The following TNFAIP8 variants were observed in gnomAD, a reference collection of about 807,000 sequenced individuals.
The protein encoded by TNFAIP8 is TNF alpha induced protein 8.
In TNFAIP8, 7 loss-of-function variants were observed where a neutral mutation model predicts 13.3. The observed-to-expected ratio is 0.52, with a 90% CI of 0.30 to 0.99. The LOEUF is 0.99. TNFAIP8 is among the 50% of genes least tolerant of loss of function. TNFAIP8 has a pLI of 0.07. For synonymous variants in TNFAIP8, 94 were observed against 87.6 expected, an observed-to-expected ratio of 1.07 and a Z score of -0.41; for missense variants, 258 against 236.9, an observed-to-expected ratio of 1.09 and a Z score of -0.58.
At chr5:119,378,341 G>A (rs116101725) in intron 1 of TNFAIP8, among the ~76,000 whole-genome samples, 1,901 of 152,228 alleles carry the variant, frequency 0.012, 43 homozygotes, top group African/African-American at 0.044. Flanking sequence ...GAATTTCAGA[G>A]CTTCAGAGTG....
chr5:119,346,837 T>A (rs956446778), intron 1 of TNFAIP8, among the ~76,000 whole-genome samples: 1 of 152,232 alleles, frequency 6.6e-6, no homozygotes, highest in Non-Finnish European at 1.5e-5. Context: ...GGCACATAAT[T>A]TGGGGACCTC....
chr5:119,307,723 G>C (rs1749610642), intron 1 of TNFAIP8, among the ~76,000 whole-genome samples: 1 of 152,140 alleles, frequency 6.6e-6, no homozygotes, highest in Non-Finnish European at 1.5e-5. Context: ...TACAACCAAT[G>C]GTATTTTAGA....
At chr5:119,301,825 C>T (rs1382725968) in intron 1 of TNFAIP8, among the ~76,000 whole-genome samples, 1 of 152,162 alleles carries the variant, frequency 6.6e-6, no homozygotes, top group Non-Finnish European at 1.5e-5. Flanking sequence ...AAAATATATT[C>T]CAAGTGCCAA....
intron 1 of TNFAIP8, among the ~76,000 whole-genome samples, chr5:119,322,652 T>G (rs180927847): frequency 1.3e-5 from 2 of 152,340 alleles, no homozygotes; most frequent in African/African-American, 2.4e-5. Flanking sequence ...CCTCCCCGTT[T>G]TCTCTGTGCC....
chr5:119,368,430 C>CGTGTGTGTGTGTGT (rs376615641), intron 1 of TNFAIP8, among the ~76,000 whole-genome samples: 62 of 133,074 alleles, frequency 4.7e-4, no homozygotes, highest in East Asian at 1.5e-3. Flanking sequence ...TTCTAAGCAG[C>CGTGTGTGTGTGTGT]GTGTGTGTGT....
chr5:119,351,267 T>C (rs1008780531), upstream of TNFAIP8, among the ~76,000 whole-genome samples: 2 of 152,222 alleles, frequency 1.3e-5, no homozygotes, highest in Middle Eastern at 6.8e-3. Flanking sequence ...CCACAAACAA[T>C]CCTTGCACCT....
chr5:119,355,906 T>C, upstream of TNFAIP8: 1 of 1,313,740 alleles, frequency 7.6e-7, no homozygotes, highest in East Asian at 3.6e-5. Flanking sequence ...TCGTCACTCT[T>C]GCAGAACTTT....
At chr5:119,273,804 G>A (rs1366397025) in intron 1 of TNFAIP8, among the ~76,000 whole-genome samples, 1 of 152,124 alleles carries the variant, frequency 6.6e-6, no homozygotes, top group African/African-American at 2.4e-5. Context: ...GCATCTGCAG[G>A]ATTAGGCACC....
At chr5:119,286,723 T>G (rs1378990153) in intron 1 of TNFAIP8, among the ~76,000 whole-genome samples, 3 of 152,016 alleles carry the variant, frequency 2.0e-5, no homozygotes, top group Non-Finnish European at 1.5e-5. Flanking sequence ...ATGTTTGTGG[T>G]GGCTCTGCCA....
At chr5:119,325,126 A>T (rs1347947257) in intron 1 of TNFAIP8, among the ~76,000 whole-genome samples, 2 of 152,156 alleles carry the variant, frequency 1.3e-5, no homozygotes, top group Non-Finnish European at 2.9e-5. Flanking sequence ...TGGATGTGCC[A>T]TAATTTACTT....
rs145460538 is a variant in TNFAIP8, at chr5:119,362,402, C to A, written c.31+6281C>A. ...TTGTATGTAGGTAACAGAGATAAGA[C>A]CCTGTGAGTCAGGAGACTGATCCTA... is the stretch of plus-strand genomic sequence containing the variant. On this transcript the variant is annotated intron_variant, in intron 1 of 1. Coordinates refer to ENST00000504771, the MANE Select transcript of TNFAIP8 (RefSeq NM_014350.4). Among the ~76,000 whole-genome samples the A allele has an allele frequency of 4.7e-3, 716 of 152,250 alleles. 4 individuals carry two copies. Among genetic ancestry groups the A allele is most frequent in the African/African-American group, 0.017 (695 of 41,538 alleles).
intron 1 of TNFAIP8, among the ~76,000 whole-genome samples, chr5:119,297,033 C>G (rs1446479038): frequency 1.3e-5 from 2 of 151,966 alleles, no homozygotes; most frequent in Admixed American, 1.3e-4. Flanking sequence ...CTTTATTAGT[C>G]TTGCTAGCAG....
rs1032432405 is a variant in TNFAIP8 at position 119,393,997 on chromosome 5, A to G, written c.*616A>G. ...TTAGCTATTATGAATAATGTCCAGT[A>G]TAAGAATATGCTTCTGGAATTGAGT... On this transcript the variant is annotated 3_prime_UTR_variant, in exon 2 of 2. Coordinates refer to ENST00000504771, the MANE Select transcript of TNFAIP8 (RefSeq NM_014350.4). 2 of 152,288 alleles carry G rather than the reference A, an allele frequency of 1.3e-5. No homozygotes were observed. The highest frequency in any genetic ancestry group is 4.8e-5 in the African/African-American group (2 of 41,448). 9.4% of individuals were successfully genotyped at this position (152,288 alleles called of 1,614,324 possible).
Position 119,356,082 on chromosome 5 carries a change from C to G in TNFAIP8, c.-9C>G. ...GGTAATCGCCCCTGCAGCTGGTTAT[C>G]CTGACATTATGCACTCCGAAGCAGA... On this transcript the variant is annotated 5_prime_UTR_variant, in exon 1 of 2. The change creates a new upstream start codon in the 5' untranslated region. Transcript: ENST00000504771. 6.3e-7 allele frequency: 1 copy of G among 1,584,780 alleles called. No individual in the cohort carries two copies. The highest frequency in any genetic ancestry group is 8.6e-7 in the Non-Finnish European group (1 of 1,164,348).
At chr5:119,386,567 C>G (rs1279044590) in intron 1 of TNFAIP8, among the ~76,000 whole-genome samples, 3 of 152,024 alleles carry the variant, frequency 2.0e-5, no homozygotes, top group Admixed American at 6.6e-5. Flanking sequence ...TTCAAAGTCA[C>G]CATTTTCTCT....
chr5:119,333,486 G>C, intron 1 of TNFAIP8: 1 of 1,456,302 alleles, frequency 6.9e-7, no homozygotes, highest in Non-Finnish European at 9.1e-7. Context: ...TCTTGAGAAG[G>C]ACTGAGTCTC....
At chr5:119,345,230 A>G (rs1418742915) in intron 1 of TNFAIP8, among the ~76,000 whole-genome samples, 1 of 152,218 alleles carries the variant, frequency 6.6e-6, no homozygotes, top group East Asian at 1.9e-4. Context: ...CATTGCATAT[A>G]TTGGTCAGGG....
chr5:119,306,816 A>G (rs1233947273), intron 1 of TNFAIP8, among the ~76,000 whole-genome samples: 1 of 152,186 alleles, frequency 6.6e-6, no homozygotes, highest in Non-Finnish European at 1.5e-5. Flanking sequence ...ATTCAAGGAA[A>G]CACCTCATAC....
chr5:119,334,647 G>T (rs1381316810), intron 1 of TNFAIP8, among the ~76,000 whole-genome samples: 5 of 150,650 alleles, frequency 3.3e-5, no homozygotes, highest in Non-Finnish European at 7.4e-5. Flanking sequence ...GTGTGTGTGT[G>T]TGTGTGTGTG....
Sources: gnomAD v4.1 joint callset for allele counts (sites outside exome capture counted in the v4.1 genomes callset) on GRCh38, gnomAD v4.1.1 for gene constraint, MANE v1.5 for transcripts, NCBI Gene and HGNC (gene_info 2026-07-23, HGNC 2026-07-21) for gene names.